Variants in TSPEAR observed in about 807,000 individuals in gnomAD.
TSPEAR encodes thrombospondin type laminin G domain and EAR repeats.
TSPEAR carries 69 observed loss-of-function variants against 71.6 expected under a neutral mutation model. That is an observed-to-expected ratio of 0.96 (90% confidence interval 0.79 to 1.18). The LOEUF (loss-of-function observed/expected upper bound fraction) is 1.18, where lower values mean the gene tolerates loss of function less well. TSPEAR is among the 50% of genes most tolerant of loss of function. The pLI is 0.00. For synonymous variants in TSPEAR, 402 were observed against 387.2 expected (o/e 1.04, Z -0.45); for missense variants, 971 against 894.9 (o/e 1.09, Z -1.09).
intron 1 of TSPEAR, among the ~76,000 whole-genome samples, chr21:44,684,994 G>A (rs1356328515): frequency 7.9e-5 from 12 of 152,170 alleles, no homozygotes; most frequent in Non-Finnish European, 1.6e-4. Context: ...GGCCTCGCCC[G>A]GCTTGTCCCT....
At chr21:44,704,147 G>A (rs1027243254) in intron 1 of TSPEAR, among the ~76,000 whole-genome samples, 1 of 152,164 alleles carries the variant, frequency 6.6e-6, no homozygotes, top group Admixed American at 6.5e-5. Context: ...GAACAGGGTT[G>A]GTGTAAATGG....
intron 2 of TSPEAR, chr21:44,558,650 G>A (rs782713383): frequency 1.9e-5 from 30 of 1,613,288 alleles, no homozygotes; most frequent in Non-Finnish European, 2.5e-5. Flanking sequence ...AGCTCTCTGG[G>A]CAGGCGTCCA....
chr21:44,627,761 G>T, intron 1 of TSPEAR: 1 of 1,598,954 alleles, frequency 6.3e-7, no homozygotes, highest in Non-Finnish European at 8.5e-7. Context: ...AAACCCATCT[G>T]CTGTGTGCCT....
At chr21:44,531,161 G>T (rs782518788) in intron 3 of TSPEAR, 28 bp from the exon 4 acceptor site, 5 of 1,585,574 alleles carry the variant, frequency 3.2e-6, no homozygotes, top group Non-Finnish European at 4.3e-6. Context: ...CTGTGTTAGG[G>T]CCATAGGAGA....
intron 1 of TSPEAR, among the ~76,000 whole-genome samples, chr21:44,696,001 C>A (rs1281885800): frequency 6.6e-6 from 1 of 152,232 alleles, no homozygotes; most frequent in Non-Finnish European, 1.5e-5. Context: ...ACCACAAAGG[C>A]TGCCGAATGT....
intron 3 of TSPEAR, among the ~76,000 whole-genome samples, chr21:44,533,091 G>A (rs1173480421): frequency 6.6e-6 from 1 of 152,224 alleles, no homozygotes; most frequent in Non-Finnish European, 1.5e-5. Flanking sequence ...TGGTGTGATC[G>A]CCCTTACCTT....
At chr21:44,587,507 C>T (rs1258985342) in intron 1 of TSPEAR, among the ~76,000 whole-genome samples, 2 of 152,138 alleles carry the variant, frequency 1.3e-5, no homozygotes, top group Non-Finnish European at 2.9e-5. Flanking sequence ...CACCATCATT[C>T]ATCACAGAGT....
At chr21:44,589,112 A>G (rs587718416) in intron 1 of TSPEAR, among the ~76,000 whole-genome samples, 55 of 152,320 alleles carry the variant, frequency 3.6e-4, no homozygotes, top group African/African-American at 1.3e-3. Context: ...TTACTAATCC[A>G]TGTAACCAAA....
At position 44,567,888 on chromosome 21, in the gene TSPEAR, C is replaced by T. The variant is rs781793558; in HGVS notation, c.200G>A (p.Arg67His). ...RGLQLSVAAPRTMSFPASRIF... is the reference protein window; with the variant it reads ...RGLQLSVAAPHTMSFPASRIF... ...CCTGGATGCTGGGAAGCTCATGGTG[C>T]GGGGGGCGGCTACTGAGAGCTGGAG... Residue 67 changes from arginine to histidine, a missense_variant, in exon 2 of 12, where the codon CGC becomes CAC. By Grantham distance (29) the Arg-to-His change is conservative. Transcript: ENST00000323084. The T allele has an allele frequency of 9.1e-5, 146 of 1,607,418 alleles. No homozygotes were observed. The highest frequency in any genetic ancestry group is 2.5e-4 in the East Asian group (11 of 44,698).
At chr21:44,692,069 T>G (rs1863217883) in intron 1 of TSPEAR, among the ~76,000 whole-genome samples, 1 of 152,176 alleles carries the variant, frequency 6.6e-6, no homozygotes, top group African/African-American at 2.4e-5. Flanking sequence ...AAATAATCAA[T>G]GTAGTATACC....
At chr21:44,509,651 A>G (rs1410936431) in intron 9 of TSPEAR, among the ~76,000 whole-genome samples, 2 of 152,096 alleles carry the variant, frequency 1.3e-5, no homozygotes, top group Non-Finnish European at 2.9e-5. Context: ...AGGACGTGGG[A>G]TCTTGGCACA....
chr21:44,524,500 TAGTC>T (rs1271102436), intron 8 of TSPEAR, among the ~76,000 whole-genome samples: 30 of 150,958 alleles, frequency 2.0e-4, no homozygotes, highest in Admixed American at 1.2e-3. Context: ...GTTAGTCAGG[TAGTC>T]AGTCAGGCAG....
chr21:44,562,995 T>C (rs1185277256), intron 2 of TSPEAR, among the ~76,000 whole-genome samples: 2 of 152,204 alleles, frequency 1.3e-5, no homozygotes, highest in Non-Finnish European at 2.9e-5. Flanking sequence ...CTTTATTCTC[T>C]TAACTGATTT....
At chr21:44,657,540 T>C (rs1031839870) in intron 1 of TSPEAR, among the ~76,000 whole-genome samples, 1 of 152,242 alleles carries the variant, frequency 6.6e-6, no homozygotes, top group Non-Finnish European at 1.5e-5. Flanking sequence ...TCACAGACGA[T>C]AGTTTGCCAA....
intron 2 of TSPEAR, among the ~76,000 whole-genome samples, chr21:44,565,357 T>G (rs2053689198): frequency 6.6e-6 from 1 of 152,194 alleles, no homozygotes; most frequent in South Asian, 2.1e-4. Context: ...TCCTAACTCA[T>G]TCTATGAGGC....
intron 1 of TSPEAR, chr21:44,601,809 C>G: frequency 6.5e-7 from 1 of 1,543,964 alleles, no homozygotes. Flanking sequence ...CCCTTGACGG[C>G]TCTCCACATC....
chr21:44,587,918 A>G (rs1979446981), intron 1 of TSPEAR, among the ~76,000 whole-genome samples: 1 of 152,252 alleles, frequency 6.6e-6, no homozygotes. Flanking sequence ...AAACTATTAG[A>G]ATTCTAGAAA....
At chr21:44,636,593 C>T (rs1443224689) in intron 1 of TSPEAR, among the ~76,000 whole-genome samples, 2 of 152,162 alleles carry the variant, frequency 1.3e-5, no homozygotes, top group African/African-American at 4.8e-5. Flanking sequence ...GGCAGTGGGG[C>T]TGACTGTGGC....
At chr21:44,563,133 A>C (rs1466663717) in intron 2 of TSPEAR, among the ~76,000 whole-genome samples, 1 of 152,176 alleles carries the variant, frequency 6.6e-6, no homozygotes, top group African/African-American at 2.4e-5. Context: ...AAAGGAAGTT[A>C]CTGAAGATAG....
Sources: gnomAD v4.1 joint callset for allele counts (sites outside exome capture counted in the v4.1 genomes callset) on GRCh38, gnomAD v4.1.1 for gene constraint, MANE v1.5 for transcripts, NCBI Gene and HGNC (gene_info 2026-07-23, HGNC 2026-07-21) for gene names.